The following C8orf34 variants were observed in gnomAD, a reference collection of about 807,000 sequenced individuals.
C8orf34 encodes the protein chromosome 8 open reading frame 34.
C8orf34 carries 65 observed loss-of-function variants against 68.3 expected under a neutral mutation model. That is an observed-to-expected ratio of 0.95 (90% confidence interval 0.78 to 1.17). The LOEUF is 1.17. C8orf34 is among the 50% of genes most tolerant of loss of function. The pLI, the probability that C8orf34 is intolerant of heterozygous loss-of-function variation, is 0.00. For synonymous variants in C8orf34, 244 were observed against 241.2 expected, an observed-to-expected ratio of 1.01 and a Z score of -0.11; for missense variants, 664 against 655.4, an observed-to-expected ratio of 1.01 and a Z score of -0.14.
intron 7 of C8orf34, among the ~76,000 whole-genome samples, chr8:68,597,285 G>A (rs754683951): frequency 2.7e-4 from 41 of 152,098 alleles, no homozygotes; most frequent in Non-Finnish European, 4.4e-4. Context: ...GGTCACATGC[G>A]CATTCTCATG....
chr8:68,614,988 T>G (rs1168326760), intron 7 of C8orf34, among the ~76,000 whole-genome samples: 1 of 152,224 alleles, frequency 6.6e-6, no homozygotes, highest in Admixed American at 6.5e-5. Flanking sequence ...GCAGTTCTCC[T>G]TGAAGAGGTC....
At chr8:68,430,441 A>G (rs562654354) in intron 1 of C8orf34, among the ~76,000 whole-genome samples, 10 of 152,268 alleles carry the variant, frequency 6.6e-5, no homozygotes, top group Admixed American at 4.6e-4. Context: ...AGGAGATCAT[A>G]GGGACTGCTT....
chr8:68,499,238 T>C (rs1586265382), intron 5 of C8orf34, among the ~76,000 whole-genome samples: 1 of 152,146 alleles, frequency 6.6e-6, no homozygotes, highest in Non-Finnish European at 1.5e-5. Flanking sequence ...TGCATCCATG[T>C]TGTTGCAAAG....
intron 3 of C8orf34, among the ~76,000 whole-genome samples, chr8:68,465,260 C>G (rs1812062567): frequency 6.6e-6 from 1 of 151,662 alleles, no homozygotes; most frequent in South Asian, 2.1e-4. Flanking sequence ...GATACCATCT[C>G]ACACCAGTTA....
intron 3 of C8orf34, among the ~76,000 whole-genome samples, chr8:68,465,748 C>T (rs1360413181): frequency 7.0e-6 from 1 of 143,732 alleles, no homozygotes; most frequent in African/African-American, 2.6e-5. Flanking sequence ...GGGAATTGAA[C>T]AATGAGAACA....
At chr8:68,810,162 C>T (rs1002816410) in intron 12 of C8orf34, among the ~76,000 whole-genome samples, 6 of 152,182 alleles carry the variant, frequency 3.9e-5, no homozygotes, top group African/African-American at 1.4e-4. Flanking sequence ...TTGGCTCGTG[C>T]TACCCTCCCA....
At chr8:68,744,777 C>G (rs1192683024) in intron 10 of C8orf34, among the ~76,000 whole-genome samples, 1 of 152,096 alleles carries the variant, frequency 6.6e-6, no homozygotes, top group African/African-American at 2.4e-5. Flanking sequence ...CTGAAAGTGA[C>G]GGGGAGAATG....
chr8:68,496,719 C>T (rs563667943), intron 5 of C8orf34, among the ~76,000 whole-genome samples: 91 of 152,252 alleles, frequency 6.0e-4, no homozygotes, highest in Non-Finnish European at 1.1e-3. Flanking sequence ...TTTATTTCTC[C>T]CCAGGCAGAC....
intron 5 of C8orf34, among the ~76,000 whole-genome samples, chr8:68,507,115 AATTTTACAAG>A (rs908098936): frequency 1.3e-5 from 2 of 152,198 alleles, no homozygotes; most frequent in Non-Finnish European, 2.9e-5. Context: ...CATTTAATTA[AATTTTACAAG>A]ATTTGACAAT....
Position 68,525,910 on chromosome 8 carries a change from G to GGCA in C8orf34, c.938+3943_938+3945dup, listed in dbSNP as rs571191506. On this transcript the variant is annotated intron_variant, in intron 6 of 13. Transcript: ENST00000518698. ...CCAAGACATTCATGTGCACCATTGTGGCAGCATGGAAAGATGGCAGCTGAA... is the reference window on the plus strand; with the variant it reads ...CCAAGACATTCATGTGCACCATTGTGGCAGCAGCATGGAAAGATGGCAGCTGAA... The GGCA allele has an allele frequency of 1.6e-5, 4 of 243,692 alleles. No individual in the cohort carries two copies. In the South Asian group the frequency reaches 1.8e-4, roughly 11 times the overall value. The allele number at this position is 243,692 out of a possible 1,614,324, so 15.1% of individuals were successfully genotyped here. A position where few individuals can be genotyped will look rare whatever the true frequency, so the allele number is the denominator to read the frequency against.
At chr8:68,524,529 G>A (rs1373323480) in intron 6 of C8orf34, among the ~76,000 whole-genome samples, 1 of 152,142 alleles carries the variant, frequency 6.6e-6, no homozygotes, top group Non-Finnish European at 1.5e-5. Context: ...AATTAAGAGT[G>A]CTTAAGAAAG....
intron 7 of C8orf34, among the ~76,000 whole-genome samples, chr8:68,548,454 G>A (rs542930602): frequency 4.0e-5 from 6 of 151,592 alleles, no homozygotes; most frequent in African/African-American, 1.4e-4. Flanking sequence ...TAACCATCAG[G>A]GAAATAAAAA....
intron 1 of C8orf34, among the ~76,000 whole-genome samples, chr8:68,351,249 T>C (rs1485755681): frequency 1.3e-5 from 2 of 152,060 alleles, no homozygotes; most frequent in African/African-American, 2.4e-5. Flanking sequence ...GGATTCTTGG[T>C]TGAATAATTT....
intron 11 of C8orf34, among the ~76,000 whole-genome samples, chr8:68,778,434 TC>T (rs916384854): frequency 1.3e-5 from 2 of 152,188 alleles, no homozygotes; most frequent in African/African-American, 4.8e-5. Context: ...GCTCTTTTTT[TC>T]ATCTAGTTTT....
At position 68,504,067 on chromosome 8, in the gene C8orf34, T is replaced by C. The variant is rs559175540; in HGVS notation, c.765+16016T>C. Among the ~76,000 whole-genome samples the C allele has an allele frequency of 5.9e-5, 9 of 152,298 alleles. No homozygotes were observed. In the East Asian group the frequency reaches 1.7e-3, roughly 29 times the overall value. ...TCATCCCCAAAAGAAACTCTATCCA[T>C]TGCAGTTACTCTCACTCCCCAGTCC... On this transcript the variant is annotated intron_variant, in intron 5 of 13. Transcript: ENST00000518698.
At chr8:68,392,979 T>G (rs1407419574) in intron 1 of C8orf34, among the ~76,000 whole-genome samples, 2 of 152,196 alleles carry the variant, frequency 1.3e-5, no homozygotes, top group African/African-American at 4.8e-5. Flanking sequence ...ACATTTTATT[T>G]CATTTGTAAA....
At chr8:68,339,845 G>A (rs1805998920) in intron 1 of C8orf34, among the ~76,000 whole-genome samples, 1 of 151,780 alleles carries the variant, frequency 6.6e-6, no homozygotes, top group Admixed American at 6.6e-5. Flanking sequence ...TTAAGAAAAT[G>A]AAAAGGCAAA....
At chr8:68,785,278 T>C (rs1056341494) in intron 11 of C8orf34, among the ~76,000 whole-genome samples, 5 of 152,134 alleles carry the variant, frequency 3.3e-5, no homozygotes, top group Admixed American at 6.5e-5. Flanking sequence ...GTATATATAG[T>C]AAGGTAAACA....
intron 3 of C8orf34, among the ~76,000 whole-genome samples, chr8:68,461,600 A>C (rs1436579270): frequency 1.3e-5 from 2 of 152,254 alleles, no homozygotes; most frequent in Non-Finnish European, 2.9e-5. Context: ...CTCTCGGCAG[A>C]AACTCTACAA....
Sources: gnomAD v4.1 joint callset for allele counts (sites outside exome capture counted in the v4.1 genomes callset) on GRCh38, gnomAD v4.1.1 for gene constraint, MANE v1.5 for transcripts, NCBI Gene and HGNC (gene_info 2026-07-23, HGNC 2026-07-21) for gene names.